ZFHX4: variants seen among roughly 807,000 people sequenced by gnomAD.
The protein encoded by ZFHX4 is zinc finger homeobox protein 4.
A neutral mutation model predicts 267.6 loss-of-function variants in ZFHX4; 56 were observed. That is an observed-to-expected ratio of 0.21 (90% confidence interval 0.17 to 0.26). The LOEUF (loss-of-function observed/expected upper bound fraction) is 0.26, where lower values mean the gene tolerates loss of function less well. Ranked by LOEUF, ZFHX4 falls within the 10% of genes least tolerant of loss-of-function variation. ZFHX4 has a pLI of 1.00. For synonymous variants in ZFHX4, 1,778 were observed against 1,665.6 expected (o/e 1.07, Z -1.64); for missense variants, 4,332 against 4,420.0 (o/e 0.98, Z 0.56).
intron 4 of ZFHX4, among the ~76,000 whole-genome samples, chr8:76,790,222 G>A (rs545433018): frequency 1.3e-5 from 2 of 152,208 alleles, no homozygotes; most frequent in African/African-American, 4.8e-5. Flanking sequence ...CTTGCTTTGT[G>A]TTAGGCACTG....
chr8:76,685,171 G>A (rs996493166), intron 1 of ZFHX4, among the ~76,000 whole-genome samples: 5 of 152,222 alleles, frequency 3.3e-5, no homozygotes, highest in African/African-American at 1.2e-4. Flanking sequence ...AATAACTCTT[G>A]AGATTCAGAC....
intron 4 of ZFHX4, among the ~76,000 whole-genome samples, chr8:76,795,081 A>G (rs1279747181): frequency 1.3e-5 from 2 of 152,184 alleles, no homozygotes; most frequent in Non-Finnish European, 2.9e-5. Flanking sequence ...AAAATGGAAG[A>G]CAAGATGCAA....
chr8:76,715,922 T>A (rs947835361), intron 3 of ZFHX4, among the ~76,000 whole-genome samples: 3 of 152,152 alleles, frequency 2.0e-5, no homozygotes, highest in African/African-American at 7.2e-5. Context: ...GCTTAAGGGG[T>A]TAGTGTTAGG....
intron 4 of ZFHX4, among the ~76,000 whole-genome samples, chr8:76,791,825 G>T (rs979477211): frequency 6.6e-6 from 1 of 152,060 alleles, no homozygotes; most frequent in Admixed American, 6.6e-5. Flanking sequence ...AAATGTGTAA[G>T]ATTCAGTATG....
In ZFHX4 at chr8:76,707,644, A is replaced by G. The variant is rs1455420685; in HGVS notation, c.2689A>G (p.Ser897Gly). The change falls in exon 3 of 11, where the codon AGT (serine) becomes GGT (glycine). Residue 897 changes from serine to glycine, a missense_variant. Physicochemically the swap from Ser to Gly is moderately conservative, Grantham distance 56. Transcript: ENST00000651372. ...TGCAGGAGAGCTGTCACCTTATATC[A>G]GTGACCCAGCGCTGAAGCTATTCCA... is the stretch of plus-strand genomic sequence containing the variant. ...LTAGELSPYISDPALKLFQCA... is the reference protein window; with the variant it reads ...LTAGELSPYIGDPALKLFQCA... The G allele has an allele frequency of 2.5e-6, 4 of 1,613,844 alleles. No homozygotes were observed. Among genetic ancestry groups the G allele is most frequent in the Non-Finnish European group, 3.4e-6 (4 of 1,179,894 alleles).
chr8:76,863,916 A>G lies in ZFHX4; in HGVS notation c.10202A>G (p.Tyr3401Cys), dbSNP rs1387311537. The G allele has an allele frequency of 2.5e-6, 4 of 1,590,134 alleles. No homozygotes were observed. Among genetic ancestry groups the G allele is most frequent in the Admixed American group, 1.8e-5 (1 of 55,622 alleles). The change falls in exon 11 of 11, where the codon TAT (tyrosine) becomes TGT (cysteine). Residue 3401 changes from tyrosine (Y) to cysteine (C), a missense_variant. Physicochemically the swap from Tyr to Cys is radical, Grantham distance 194. This residue lies in a region of ZFHX4 where 1,648 missense variants were observed against 1,625.0 expected (regional missense o/e 1.01). Transcript: ENST00000651372. ...ACTTACGTTGTTCCATTCGTCAAGT[A>G]TGAGTTTATATGCAGAAAGTGCCAG... ...SDTYVVPFVK[Y>C]EFICRKCQMM...
At chr8:76,822,547 TCC>T (rs1358957360) in intron 4 of ZFHX4, among the ~76,000 whole-genome samples, 1 of 146,074 alleles carries the variant, frequency 6.8e-6, no homozygotes, top group Non-Finnish European at 1.5e-5. Context: ...CAAGTGATCC[TCC>T]CCACCTCAGT....
intron 5 of ZFHX4, among the ~76,000 whole-genome samples, chr8:76,837,756 G>A (rs1487954938): frequency 6.6e-6 from 1 of 152,058 alleles, no homozygotes; most frequent in Non-Finnish European, 1.5e-5. Flanking sequence ...ACAGCAAGTA[G>A]GCAATATACA....
chr8:76,850,042 A>G, intron 8 of ZFHX4: 1 of 586,760 alleles, frequency 1.7e-6, no homozygotes, highest in Non-Finnish European at 3.0e-6. Context: ...GGAACCTTTA[A>G]GCCATAATAA....
rs1395112870 is a variant in ZFHX4, at chr8:76,866,566, T to C, written c.*2001T>C. The stretch of plus-strand genomic sequence containing the variant: ...GCCTCCTAAGGTGCAATCCTGCCGC[T>C]ATAGTGAGCTAATGTCCTGAATCCA... On this transcript the variant is annotated 3_prime_UTR_variant, in exon 11 of 11. Coordinates refer to ENST00000651372, the MANE Select transcript of ZFHX4 (RefSeq NM_024721.5). The C allele has an allele frequency of 2.0e-5, 3 of 152,342 alleles. No homozygotes were observed. The highest frequency in any genetic ancestry group is 3.9e-4 in the East Asian group (2 of 5,170). 9.4% of individuals were successfully genotyped at this position (152,342 alleles called of 1,614,324 possible). A position where few individuals can be genotyped will look rare whatever the true frequency, so the allele number is the denominator to read the frequency against.
At chr8:76,822,077 T>C (rs1811664510) in intron 4 of ZFHX4, among the ~76,000 whole-genome samples, 1 of 152,052 alleles carries the variant, frequency 6.6e-6, no homozygotes, top group African/African-American at 2.4e-5. Context: ...TACTTGCCTA[T>C]ATAAACAAAA....
intron 3 of ZFHX4, among the ~76,000 whole-genome samples, chr8:76,753,136 G>C (rs1419507686): frequency 6.6e-6 from 1 of 152,084 alleles, no homozygotes; most frequent in African/African-American, 2.4e-5. Context: ...GTATCCATAA[G>C]TCAACAACAT....
At chr8:76,850,419 T>C in intron 9 of ZFHX4, 57 bp downstream of exon 9, 1 of 1,367,830 alleles carries the variant, frequency 7.3e-7, no homozygotes, top group Admixed American at 2.1e-5. Flanking sequence ...TTTGCATTTG[T>C]GGTGGTGCCC....
chr8:76,835,681 ACC>A (rs1563549431), intron 5 of ZFHX4, among the ~76,000 whole-genome samples: 1 of 152,120 alleles, frequency 6.6e-6, no homozygotes, highest in Non-Finnish European at 1.5e-5. Flanking sequence ...AATAGAATAA[ACC>A]TACTCTCCCT....
chr8:76,854,537 T>C lies in ZFHX4; in HGVS notation c.7616T>C (p.Ile2539Thr), dbSNP rs780238245. Residue 2539 changes from isoleucine (I) to threonine (T), a missense_variant, in exon 10 of 11, where the codon ATA becomes ACA. By Grantham distance (89) the Ile-to-Thr change is moderately conservative (BLOSUM62 -1). This residue lies in a region of ZFHX4 where 1,648 missense variants were observed against 1,625.0 expected (regional missense o/e 1.01). Transcript: ENST00000651372. Reference sequence around the variant, plus strand: ...AGGCCCATGGACATGCCCTACATGATATTTGACCCCAACAATCCGCTGATG... The same window carrying C: ...AGGCCCATGGACATGCCCTACATGACATTTGACCCCAACAATCCGCTGATG... The part of the protein sequence containing the change: ...LERPMDMPYM[I>T]FDPNNPLMTG... 6.2e-7 allele frequency: 1 copy of C among 1,613,818 alleles called. No homozygotes were observed. The highest frequency in any genetic ancestry group is 8.5e-7 in the Non-Finnish European group (1 of 1,179,854).
intron 1 of ZFHX4, among the ~76,000 whole-genome samples, chr8:76,694,770 C>T (rs1000112861): frequency 2.1e-5 from 3 of 142,702 alleles, no homozygotes; most frequent in African/African-American, 7.7e-5. Flanking sequence ...TGAAGTTGAT[C>T]TCTTATTACT....
Position 76,707,603 on chromosome 8 carries a change from A to T in ZFHX4, c.2648A>T (p.Asp883Val), listed in dbSNP as rs1302341281. ...RLASGQLMGDDLSLLTAGELS... is the reference protein window; with the variant it reads ...RLASGQLMGDVLSLLTAGELS... Reference sequence around the variant, plus strand: ...GCCAGTGGTCAGCTAATGGGTGATGACCTGTCCCTCCTTACTGCAGGAGAG... The same window carrying T: ...GCCAGTGGTCAGCTAATGGGTGATGTCCTGTCCCTCCTTACTGCAGGAGAG... Residue 883 changes from aspartate (D) to valine (V), a missense_variant, in exon 3 of 11, where the codon GAC becomes GTC. By Grantham distance (152) the Asp-to-Val change is radical (BLOSUM62 -3). Coordinates refer to ENST00000651372, the MANE Select transcript of ZFHX4 (RefSeq NM_024721.5). 1.1e-5 allele frequency: 18 copies of T among 1,613,462 alleles called. No homozygotes were observed. Among genetic ancestry groups the T allele is most frequent in the Non-Finnish European group, 1.3e-5 (15 of 1,179,776 alleles).
At chr8:76,748,206 T>C (rs1809513631) in intron 3 of ZFHX4, among the ~76,000 whole-genome samples, 1 of 149,682 alleles carries the variant, frequency 6.7e-6, no homozygotes. Context: ...TATCCCTCTC[T>C]GTCTGTGTGT....
At chr8:76,732,152 T>G (rs1448635279) in intron 3 of ZFHX4, among the ~76,000 whole-genome samples, 1 of 151,982 alleles carries the variant, frequency 6.6e-6, no homozygotes, top group Non-Finnish European at 1.5e-5. Context: ...ATGATCACAT[T>G]TTTGTAAGGA....
Sources: allele counts gnomAD v4.1 joint callset (sites outside exome capture counted in the v4.1 genomes callset), GRCh38; gene constraint gnomAD v4.1.1; regional missense constraint gnomAD v4.1.1; transcripts MANE v1.5; gene names NCBI Gene and HGNC (gene_info 2026-07-23, HGNC 2026-07-21).